The following FRMD5 variants were observed in gnomAD, a reference collection of about 807,000 sequenced individuals.
FRMD5 encodes the protein FERM domain containing 5.
A neutral mutation model predicts 69.0 loss-of-function variants in FRMD5; 20 were observed. That is an observed-to-expected ratio of 0.29 (90% CI 0.20 to 0.42). The LOEUF (loss-of-function observed/expected upper bound fraction) is 0.42. Among genes scored for constraint, FRMD5 ranks in the 10% least tolerant of loss-of-function variants. FRMD5 has a pLI of 1.00. For synonymous variants in FRMD5, 271 were observed against 260.1 expected, an observed-to-expected ratio of 1.04 and a Z score of -0.40; for missense variants, 595 against 708.6, an observed-to-expected ratio of 0.84 and a Z score of 1.82.
At chr15:43,930,032 A>G (rs888830497) in intron 1 of FRMD5, among the ~76,000 whole-genome samples, 2 of 152,140 alleles carry the variant, frequency 1.3e-5, no homozygotes, top group African/African-American at 4.8e-5. Context: ...CCCTGCCTCT[A>G]TGGTCACATG....
intron 1 of FRMD5, among the ~76,000 whole-genome samples, chr15:43,942,198 T>A (rs957236774): frequency 2.0e-5 from 3 of 152,226 alleles, no homozygotes; most frequent in South Asian, 4.1e-4. Flanking sequence ...GTTGTCCATA[T>A]GCTTTTTACA....
At chr15:43,914,708 C>CTATGAGGT (rs1314619606) in intron 4 of FRMD5, among the ~76,000 whole-genome samples, 3 of 130,750 alleles carry the variant, frequency 2.3e-5, no homozygotes, top group African/African-American at 1.1e-4. Flanking sequence ...CCCAGCAACT[C>CTATGAGGT]TATGAGGTGA....
chr15:44,104,021 G>T (rs191070936), intron 1 of FRMD5, among the ~76,000 whole-genome samples: 1 of 152,214 alleles, frequency 6.6e-6, no homozygotes, highest in Non-Finnish European at 1.5e-5. Context: ...ACTGTTTTAT[G>T]TATTATTATA....
chr15:43,971,628 TAAA>T (rs753940718), intron 1 of FRMD5, among the ~76,000 whole-genome samples: 14 of 117,720 alleles, frequency 1.2e-4, no homozygotes, highest in Admixed American at 1.7e-4. Flanking sequence ...AGGTTGCATC[TAAA>T]AAAAAAAAAA....
intron 1 of FRMD5, among the ~76,000 whole-genome samples, chr15:43,964,906 T>A (rs373107524): frequency 2.0e-5 from 3 of 152,228 alleles, no homozygotes; most frequent in African/African-American, 7.2e-5. Flanking sequence ...AAACTTACCA[T>A]GACTGTAGGC....
chr15:43,938,154 C>T (rs891412329), intron 1 of FRMD5, among the ~76,000 whole-genome samples: 2 of 150,348 alleles, frequency 1.3e-5, no homozygotes, highest in African/African-American at 5.0e-5. Flanking sequence ...TGGTGTCAAC[C>T]CAGAAGGCAG....
At chr15:44,154,616 C>T (rs1482415467) in intron 1 of FRMD5, among the ~76,000 whole-genome samples, 1 of 152,198 alleles carries the variant, frequency 6.6e-6, no homozygotes, top group African/African-American at 2.4e-5. Context: ...ACTGTTTTCC[C>T]TGCAAAGCAG....
chr15:43,924,608 G>T (rs2089551105), intron 1 of FRMD5, among the ~76,000 whole-genome samples: 1 of 152,178 alleles, frequency 6.6e-6, no homozygotes, highest in South Asian at 2.1e-4. Context: ...TAAACTGTGG[G>T]TGTAGGGAAT....
chr15:44,141,212 C>G (rs2077269663), intron 1 of FRMD5, among the ~76,000 whole-genome samples: 1 of 152,072 alleles, frequency 6.6e-6, no homozygotes, highest in South Asian at 2.1e-4. Context: ...CATCAATTCT[C>G]TTCAAATTAT....
rs1889546384 is a variant in FRMD5 at position 43,989,211 on chromosome 15, C to G, written c.103-64902G>C. 4.9e-6 allele frequency: 4 copies of G among 818,362 alleles called. No individual in the cohort carries two copies. The Admixed American group carries it at 6.8e-5, about 14-fold the overall frequency. The allele number at this position is 818,362 out of a possible 1,614,324, so 50.7% of individuals were successfully genotyped here. On this transcript the variant is annotated intron_variant, in intron 1 of 13. Transcript: ENST00000417257. ...GCTTGGGAGGAGCAGTGATCTTGATCTTCATTGTGCTGGGCGCCAGGGTGG... is the reference window on the plus strand; with the variant it reads ...GCTTGGGAGGAGCAGTGATCTTGATGTTCATTGTGCTGGGCGCCAGGGTGG...
At chr15:44,035,440 G>C (rs932059476) in intron 1 of FRMD5, among the ~76,000 whole-genome samples, 5 of 152,186 alleles carry the variant, frequency 3.3e-5, no homozygotes, top group African/African-American at 9.6e-5. Flanking sequence ...GACTTTGCCT[G>C]TGCCTGACTG....
At position 44,036,789 on chromosome 15, in the gene FRMD5, A is replaced by G. The variant is rs545980808; in HGVS notation, c.103-112480T>C. ...TTTTTTGTTTTGTGCATCGGCCTTC[A>G]GTACAGTGGTAAAGAAGCAGTGCTG... On this transcript the variant is annotated intron_variant, in intron 1 of 13. Coordinates refer to ENST00000417257, the MANE Select transcript of FRMD5 (RefSeq NM_032892.5). Among the ~76,000 whole-genome samples the G allele has an allele frequency of 2.6e-5, 4 of 152,260 alleles. No homozygotes were observed. The East Asian group carries it at 7.7e-4, about 29-fold the overall frequency.
At position 44,173,240 on chromosome 15, in the gene FRMD5, T is replaced by G. The variant is rs1178090792; in HGVS notation, c.102+21713A>C. Among the ~76,000 whole-genome samples, 82 of 152,042 alleles carry G rather than the reference T, an allele frequency of 5.4e-4. 1 individual carries two copies. Among genetic ancestry groups the G allele is most frequent in the Non-Finnish European group, 5.9e-5 (4 of 68,008 alleles). On this transcript the variant is annotated intron_variant, in intron 1 of 13. Coordinates refer to ENST00000417257, the MANE Select transcript of FRMD5 (RefSeq NM_032892.5). ...CAAGGAAGGGAAATTCAATGCCAAA[T>G]AAGAAAACCTACATGCAGCTTATAG... is the stretch of plus-strand genomic sequence containing the variant.
intron 1 of FRMD5, among the ~76,000 whole-genome samples, chr15:43,952,611 A>T (rs2090054177): frequency 2.0e-5 from 3 of 152,228 alleles, no homozygotes; most frequent in Admixed American, 1.3e-4. Context: ...TCCAGGAATG[A>T]ACACTGCACT....
At chr15:44,196,752 T>TTCTCTCTCTCTCTCTCTCTCTCTCTCTC (rs779388784), upstream of FRMD5, among the ~76,000 whole-genome samples, 1 of 71,956 alleles carries the variant, frequency 1.4e-5, no homozygotes, top group African/African-American at 4.5e-5. Context: ...CTCTCTCTCT[T>TTCTCTCTCTCTCTCTCTCTCTCTCTCTC]TCTCTCTCTC....
At chr15:43,915,807 G>A (rs1246148164) in intron 4 of FRMD5, among the ~76,000 whole-genome samples, 1 of 152,214 alleles carries the variant, frequency 6.6e-6, no homozygotes, top group East Asian at 1.9e-4. Context: ...TGAGACAGCA[G>A]TGAAATTTAG....
At chr15:44,086,003 T>G (rs1312617421) in intron 1 of FRMD5, among the ~76,000 whole-genome samples, 1 of 152,098 alleles carries the variant, frequency 6.6e-6, no homozygotes, top group Non-Finnish European at 1.5e-5. Context: ...TTTTATTATC[T>G]CCTGTCATAT....
chr15:44,115,636 G>A (rs1461196036), intron 1 of FRMD5, among the ~76,000 whole-genome samples: 1 of 152,104 alleles, frequency 6.6e-6, no homozygotes, highest in East Asian at 1.9e-4. Context: ...CCTAAATCCA[G>A]TAAAATGAAA....
intron 13 of FRMD5, among the ~76,000 whole-genome samples, chr15:43,880,551 TTTA>T (rs1208689253): frequency 6.6e-6 from 1 of 152,242 alleles, no homozygotes; most frequent in African/African-American, 2.4e-5. Context: ...GCTACAATCT[TTTA>T]TTTATTTCCA....
Sources: gnomAD v4.1 joint callset for allele counts (sites outside exome capture counted in the v4.1 genomes callset) on GRCh38, gnomAD v4.1.1 for gene constraint, MANE v1.5 for transcripts, NCBI Gene and HGNC (gene_info 2026-07-23, HGNC 2026-07-21) for gene names.